Variants in GTF2F2 observed in about 807,000 individuals in gnomAD.
GTF2F2 encodes the protein general transcription factor IIF subunit 2, also known as ATP-dependent helicase GTF2F2.
Under a neutral mutation model 42.2 loss-of-function variants are expected in GTF2F2, and 23 were observed. The observed-to-expected ratio is 0.55, with a 90% CI of 0.39 to 0.77. GTF2F2 has a LOEUF of 0.77. GTF2F2 is among the 30% of genes least tolerant of loss of function. The pLI is 0.00. For missense variants in GTF2F2, 261 were observed against 287.2 expected, an observed-to-expected ratio of 0.91 and a Z score of 0.66; for synonymous variants, 105 against 100.8, an observed-to-expected ratio of 1.04 and a Z score of -0.25.
At position 45,263,167 on chromosome 13, in the gene GTF2F2, A is replaced by G. The variant is rs1876414734; in HGVS notation, c.487-4066A>G. ...AAATTTAAAGTACTTAAATTTCTCT[A>G]GTGAGGAATGTTTCTGTTTTGTTCT... is the stretch of plus-strand genomic sequence containing the variant. On this transcript the variant is annotated intron_variant, in intron 6 of 7. Transcript: ENST00000340473. 2.0e-5 allele frequency among the ~76,000 whole-genome samples: 3 copies of G among 152,274 alleles called. No individual in the cohort carries two copies. In the South Asian group the frequency reaches 6.2e-4, roughly 32 times the overall value.
At chr13:45,174,629 T>TTTTTCTTTTC (rs1270580802) in intron 4 of GTF2F2, among the ~76,000 whole-genome samples, 1 of 140,172 alleles carries the variant, frequency 7.1e-6, no homozygotes, top group Non-Finnish European at 1.5e-5. Flanking sequence ...ACTGTTTTCT[T>TTTTTCTTTTC]TTTTCTTTTT....
chr13:45,204,641 A>G (rs951029313), intron 4 of GTF2F2, among the ~76,000 whole-genome samples: 2 of 152,230 alleles, frequency 1.3e-5, no homozygotes, highest in Non-Finnish European at 1.5e-5. Flanking sequence ...ATGTGTTCCT[A>G]TGAGGCTTTA....
In GTF2F2 at chr13:45,120,527, T is replaced by C. The variant is rs894512941; in HGVS notation, c.-129T>C. On this transcript the variant is annotated 5_prime_UTR_variant, in exon 1 of 8. Coordinates refer to ENST00000340473, the MANE Select transcript of GTF2F2 (RefSeq NM_004128.3). ...CTCTTTTCCTCGGTTCCCAGTGTTC[T>C]GGCAGGTAAGGAACGCCGGCTCTTC... The C allele has an allele frequency of 6.0e-6, 4 of 668,814 alleles. No homozygotes were observed. The highest frequency in any genetic ancestry group is 1.1e-5 in the Non-Finnish European group (4 of 375,172). The allele number at this position is 668,814 out of a possible 1,614,324, so 41.4% of individuals were successfully genotyped here.
intron 4 of GTF2F2, among the ~76,000 whole-genome samples, chr13:45,205,497 C>T (rs1566134688): frequency 6.6e-6 from 1 of 152,102 alleles, no homozygotes; most frequent in Non-Finnish European, 1.5e-5. Context: ...AAATTATTTG[C>T]AGGGATAGTA....
chr13:45,165,574 C>T (rs5016855), intron 4 of GTF2F2, among the ~76,000 whole-genome samples: 1 of 149,156 alleles, frequency 6.7e-6, no homozygotes, highest in African/African-American at 2.5e-5. Flanking sequence ...CTCGCCCCCC[C>T]CCGCCGCCCG....
intron 1 of GTF2F2, among the ~76,000 whole-genome samples, chr13:45,131,511 G>A (rs563335906): frequency 1.4e-3 from 206 of 152,316 alleles, no homozygotes; most frequent in Non-Finnish European, 2.4e-3. Context: ...CAGTGGAGTG[G>A]CAGGGAGGAG....
At chr13:45,274,597 G>A (rs1263066959) in intron 7 of GTF2F2, among the ~76,000 whole-genome samples, 1 of 151,770 alleles carries the variant, frequency 6.6e-6, no homozygotes, top group Non-Finnish European at 1.5e-5. Context: ...CTAAAGTGTT[G>A]GGATTACAGG....
intron 7 of GTF2F2, among the ~76,000 whole-genome samples, chr13:45,278,174 A>AAT (rs1481622059): frequency 2.6e-5 from 4 of 152,158 alleles, no homozygotes; most frequent in African/African-American, 4.8e-5. Context: ...AAAAGACTAA[A>AAT]ATAATAGGCT....
At chr13:45,153,976 C>CAAAAA (rs71070960) in intron 4 of GTF2F2, among the ~76,000 whole-genome samples, 1 of 71,484 alleles carries the variant, frequency 1.4e-5, no homozygotes, top group African/African-American at 5.5e-5. Flanking sequence ...GACTCAGTCT[C>CAAAAA]AAAAAAAAAA....
At chr13:45,211,375 T>G (rs1376672679) in intron 5 of GTF2F2, among the ~76,000 whole-genome samples, 2 of 92,084 alleles carry the variant, frequency 2.2e-5, no homozygotes, top group African/African-American at 7.0e-5. Flanking sequence ...ATTTTTTTTG[T>G]TTTTTTTTTT....
At chr13:45,247,875 C>T (rs1178888771) in intron 5 of GTF2F2, among the ~76,000 whole-genome samples, 3 of 151,948 alleles carry the variant, frequency 2.0e-5, no homozygotes, top group East Asian at 1.9e-4. Flanking sequence ...GATGGAATCT[C>T]GCTCTGTTGC....
At chr13:45,256,976 T>C (rs545779208) in intron 6 of GTF2F2, among the ~76,000 whole-genome samples, 2 of 152,128 alleles carry the variant, frequency 1.3e-5, no homozygotes, top group Non-Finnish European at 2.9e-5. Context: ...AAATTGCATA[T>C]GTATTTGAAA....
chr13:45,152,974 A>G (rs994415373), intron 4 of GTF2F2, among the ~76,000 whole-genome samples: 6 of 152,084 alleles, frequency 3.9e-5, no homozygotes, highest in Admixed American at 3.9e-4. Flanking sequence ...TAGTATGTTA[A>G]GAACACCATT....
chr13:45,220,760 C>T (rs560199754), intron 5 of GTF2F2: 1 of 152,212 alleles, frequency 6.6e-6, no homozygotes, highest in South Asian at 2.1e-4. Flanking sequence ...GTAAGAGTCA[C>T]TGATCGAGTG....
chr13:45,224,170 A>G (rs1874235090), intron 5 of GTF2F2, among the ~76,000 whole-genome samples: 2 of 152,296 alleles, frequency 1.3e-5, no homozygotes, highest in South Asian at 4.1e-4. Flanking sequence ...CCTTTACAAG[A>G]TGGCCCCAGA....
At chr13:45,153,293 C>T (rs1438471877) in intron 4 of GTF2F2, among the ~76,000 whole-genome samples, 2 of 152,060 alleles carry the variant, frequency 1.3e-5, no homozygotes, top group African/African-American at 4.8e-5. Context: ...GCTGGGATTA[C>T]AGGCATGAGC....
intron 4 of GTF2F2, among the ~76,000 whole-genome samples, chr13:45,201,552 G>A (rs1164182857): frequency 6.6e-6 from 1 of 152,170 alleles, no homozygotes; most frequent in Non-Finnish European, 1.5e-5. Context: ...GCTGTTTAGT[G>A]ACAGAATCTT....
At chr13:45,229,851 A>G (rs995881371) in intron 5 of GTF2F2, among the ~76,000 whole-genome samples, 6 of 152,186 alleles carry the variant, frequency 3.9e-5, no homozygotes, top group Non-Finnish European at 8.8e-5. Context: ...TTTAACAAGG[A>G]AAGTAGAATA....
At chr13:45,227,115 T>G (rs1328381173) in intron 5 of GTF2F2, among the ~76,000 whole-genome samples, 2 of 152,084 alleles carry the variant, frequency 1.3e-5, no homozygotes. Flanking sequence ...TAAAAAATAT[T>G]ATATAGCTGG....
Sources: allele counts gnomAD v4.1 joint callset (sites outside exome capture counted in the v4.1 genomes callset), GRCh38; gene constraint gnomAD v4.1.1; transcripts MANE v1.5; gene names NCBI Gene and HGNC (gene_info 2026-07-23, HGNC 2026-07-21).